WSCD1: variants seen among roughly 807,000 people sequenced by gnomAD.
WSCD1 encodes sialate:O-sulfotransferase 1.
Under a neutral mutation model 60.4 loss-of-function variants are expected in WSCD1, and 41 were observed. The observed-to-expected ratio is 0.68, with a 90% CI of 0.53 to 0.88. The LOEUF (loss-of-function observed/expected upper bound fraction) is 0.88. WSCD1 is among the 40% of genes least tolerant of loss of function. The probability of loss-of-function intolerance (pLI) is 0.00; values close to 1 mark genes in which losing one functional copy is unlikely to be tolerated. For missense variants in WSCD1, 784 were observed against 796.2 expected, an observed-to-expected ratio of 0.98 and a Z score of 0.18; for synonymous variants, 361 against 332.5, an observed-to-expected ratio of 1.09 and a Z score of -0.93.
upstream of WSCD1, among the ~76,000 whole-genome samples, chr17:6,070,091 C>A (rs375263996): frequency 3.4e-5 from 5 of 147,332 alleles, no homozygotes; most frequent in African/African-American, 1.3e-4. Context: ...TGGGTGTGAG[C>A]GTCATGGTGC....
chr17:6,116,590 C>A (rs1911695911), intron 7 of WSCD1, among the ~76,000 whole-genome samples: 1 of 152,222 alleles, frequency 6.6e-6, no homozygotes, highest in African/African-American at 2.4e-5. Flanking sequence ...TTTATTCATT[C>A]CAGTTTGACT....
chr17:6,080,570 A>G lies in WSCD1; in HGVS notation c.-89A>G, dbSNP rs1173758613. 7 of 1,413,752 alleles carry G rather than the reference A, an allele frequency of 5.0e-6. No homozygotes were observed. The highest frequency in any genetic ancestry group is 6.8e-6 in the Non-Finnish European group (7 of 1,024,600). The allele number at this position is 1,413,752 out of a possible 1,614,324, so 87.6% of individuals were successfully genotyped here. A position where few individuals can be genotyped will look rare whatever the true frequency, so the allele number is the denominator to read the frequency against. On this transcript the variant is annotated 5_prime_UTR_variant, in exon 2 of 9. An upstream start codon of the reference 5' UTR is lost. Transcript: ENST00000317744. The surrounding 1 kb of genome is among the most constrained non-coding windows in gnomAD (Gnocchi z 6.6). Reference sequence around the variant, plus strand: ...AGGTGCCAGGAGCCAGGATGCAAGGATGACGCCTCCGGAGGCCCTGGCCTC... The same window carrying G: ...AGGTGCCAGGAGCCAGGATGCAAGGGTGACGCCTCCGGAGGCCCTGGCCTC...
Position 6,120,548 on chromosome 17 carries a change from G to C in WSCD1, c.1615G>C (p.Glu539Gln). The C allele has an allele frequency of 6.2e-7, 1 of 1,613,802 alleles. No homozygotes were observed. The highest frequency in any genetic ancestry group is 8.5e-7 in the Non-Finnish European group (1 of 1,179,998). Reference protein sequence around the residue: ...RRRGRRSHDPEPFTPEMKDLI... With the variant: ...RRRGRRSHDPQPFTPEMKDLI... ...GCGCGGCCGGCGCTCCCACGACCCT[G>C]AGCCCTTCACCCCGGAGATGAAAGA... The change falls in exon 9 of 9, where the codon GAG becomes CAG. Residue 539 changes from glutamate to glutamine, a missense_variant. Coordinates refer to ENST00000317744, the MANE Select transcript of WSCD1 (RefSeq NM_015253.2).
intron 4 of WSCD1, 149 bp downstream of exon 4, chr17:6,090,654 C>T: frequency 1.8e-6 from 2 of 1,140,522 alleles, no homozygotes; most frequent in Non-Finnish European, 1.2e-6. Flanking sequence ...TGGACAGGCT[C>T]CTGGCAGGGC....
Position 6,090,432 on chromosome 17 carries a change from G to A in WSCD1, c.654G>A (p.Lys218=), listed in dbSNP as rs1271737260. 1.3e-5 allele frequency: 21 copies of A among 1,613,258 alleles called. No homozygotes were observed. Among genetic ancestry groups the A allele is most frequent in the Non-Finnish European group, 1.7e-5 (20 of 1,179,688 alleles). ...EECNHECKGE[K]GSVCGAVDRL... ...GTAACCATGAGTGCAAAGGCGAGAA[G>A]GGCTCTGTGTGCGGGGCTGTGGACC... The change falls in exon 4 of 9, where the codon AAG becomes AAA. Residue 218 remains lysine, a synonymous_variant. Coordinates refer to ENST00000317744, the MANE Select transcript of WSCD1 (RefSeq NM_015253.2).
chr17:6,091,370 A>G (rs986587884), intron 4 of WSCD1, among the ~76,000 whole-genome samples: 1 of 152,182 alleles, frequency 6.6e-6, no homozygotes, highest in African/African-American at 2.4e-5. Flanking sequence ...AAAGACCCAC[A>G]GTGGAGAGAG....
At chr17:6,092,154 CAA>C (rs71372642) in intron 4 of WSCD1, among the ~76,000 whole-genome samples, 3,503 of 65,538 alleles carry the variant, frequency 0.053, 121 homozygotes, top group African/African-American at 0.16. Context: ...ACTCTGTCTC[CAA>C]AAAAAAAAAA....
In WSCD1 at chr17:6,124,202, GA is replaced by G. The variant is rs1904876835; in HGVS notation, c.*3546del. 6.6e-6 allele frequency: 1 copy of G among 152,176 alleles called. No individual in the cohort carries two copies. The highest frequency in any genetic ancestry group is 1.5e-5 in the Non-Finnish European group (1 of 68,042). The allele number at this position is 152,176 out of a possible 1,614,324, so 9.4% of individuals were successfully genotyped here. On this transcript the variant is annotated 3_prime_UTR_variant, in exon 9 of 9. Coordinates refer to ENST00000317744, the MANE Select transcript of WSCD1 (RefSeq NM_015253.2). ...CTGTTTTAATTCCCCTGTTGAATGTGAAAAAGGTAGTAGTATTCCTGGGTCT... is the reference window on the plus strand; with the variant it reads ...CTGTTTTAATTCCCCTGTTGAATGTGAAAAGGTAGTAGTATTCCTGGGTCT...
At chr17:6,120,272 A>C in intron 8 of WSCD1, 37 bp from the exon 9 acceptor site, 4 of 1,585,004 alleles carry the variant, frequency 2.5e-6, no homozygotes, top group Non-Finnish European at 3.4e-6. Flanking sequence ...TGGCAGGGCC[A>C]GCCCCCGACT....
At chr17:6,090,130 C>A (rs552411332) in intron 3 of WSCD1, among the ~76,000 whole-genome samples, 191 bp from the exon 4 acceptor site, 1 of 152,150 alleles carries the variant, frequency 6.6e-6, no homozygotes, top group East Asian at 1.9e-4. Flanking sequence ...AAGGTCCTTA[C>A]GGCACATGTA....
chr17:6,114,909 T>A (rs1341475441), intron 7 of WSCD1, among the ~76,000 whole-genome samples: 2 of 152,148 alleles, frequency 1.3e-5, no homozygotes, highest in Non-Finnish European at 2.9e-5. Flanking sequence ...TTCTCATTGT[T>A]CACCTCCCAC....
intron 2 of WSCD1, among the ~76,000 whole-genome samples, chr17:6,081,565 G>T (rs894212911): frequency 6.6e-6 from 1 of 151,982 alleles, no homozygotes; most frequent in Non-Finnish European, 1.5e-5. Context: ...ACAAAAATTA[G>T]CCGGGTGTGG....
At chr17:6,114,410 A>C (rs527457339) in intron 7 of WSCD1, among the ~76,000 whole-genome samples, 24 of 152,144 alleles carry the variant, frequency 1.6e-4, no homozygotes, top group African/African-American at 4.8e-4. Flanking sequence ...GCTAGATATG[A>C]GGAATAAGTC....
rs553208903 is a variant in WSCD1 at position 6,101,137 on chromosome 17, A to C, written c.849+5914A>C. Reference sequence around the variant, plus strand: ...AAGTGCCAAGCACGTCCTCTCTGGAAAGGCCAGTGGTGTGGAGGCTGCCTG... The same window carrying C: ...AAGTGCCAAGCACGTCCTCTCTGGACAGGCCAGTGGTGTGGAGGCTGCCTG... On this transcript the variant is annotated intron_variant, in intron 5 of 8. Transcript: ENST00000317744. This position sits in a 1 kb window ranked among gnomAD's most constrained non-coding sequence, Gnocchi z 4.1. 2.2e-4 allele frequency among the ~76,000 whole-genome samples: 34 copies of C among 152,094 alleles called. No homozygotes were observed. The highest frequency in any genetic ancestry group is 8.2e-4 in the African/African-American group (34 of 41,490).
At chr17:6,106,137 C>T (rs1911074344) in intron 5 of WSCD1, among the ~76,000 whole-genome samples, 1 of 152,208 alleles carries the variant, frequency 6.6e-6, no homozygotes, top group African/African-American at 2.4e-5. Context: ...ACACAAAAAA[C>T]ACAACAACCC....
At chr17:6,076,543 A>G (rs1253088818) in intron 1 of WSCD1, among the ~76,000 whole-genome samples, 1 of 152,002 alleles carries the variant, frequency 6.6e-6, no homozygotes. Context: ...TAACCAATCC[A>G]TGCCACAGTC....
At chr17:6,082,998 T>G (rs560997838) in intron 2 of WSCD1, among the ~76,000 whole-genome samples, 1 of 152,264 alleles carries the variant, frequency 6.6e-6, no homozygotes, top group South Asian at 2.1e-4. Flanking sequence ...TTGCACTTGC[T>G]GTAGGATTTC....
chr17:6,097,894 C>A (rs557328493), intron 5 of WSCD1, among the ~76,000 whole-genome samples: 3 of 151,780 alleles, frequency 2.0e-5, no homozygotes, highest in East Asian at 3.9e-4. Flanking sequence ...TAGGCAGATG[C>A]CTCAGTTTTC....
rs1908815071 is a variant in WSCD1, at chr17:6,075,785, C to T, written c.-288-4586C>T. On this transcript the variant is annotated intron_variant, in intron 1 of 8. Coordinates refer to ENST00000317744, the MANE Select transcript of WSCD1 (RefSeq NM_015253.2). The surrounding 1 kb of genome is among the most constrained non-coding windows in gnomAD (Gnocchi z 4.1). ...AGCCCCAGGCAGGGATAGAACCCCT[C>T]TAGCCTCCCCCTGAAGCACTCTGCA... Among the ~76,000 whole-genome samples, 1 of 152,134 alleles carries T rather than the reference C, an allele frequency of 6.6e-6. No homozygotes were observed. The highest frequency in any genetic ancestry group is 2.4e-5 in the African/African-American group (1 of 41,424).
Sources: allele counts gnomAD v4.1 joint callset (sites outside exome capture counted in the v4.1 genomes callset), GRCh38; gene constraint gnomAD v4.1.1; non-coding constraint Gnocchi (gnomAD v3.1); transcripts MANE v1.5; gene names NCBI Gene and HGNC (gene_info 2026-07-23, HGNC 2026-07-21).